Variants in MAF observed in about 807,000 individuals in gnomAD.
The protein encoded by MAF is MAF bZIP transcription factor.
Under a neutral mutation model 22.0 loss-of-function variants are expected in MAF, and 10 were observed. The observed-to-expected ratio is 0.45, with a 90% CI of 0.28 to 0.77. The LOEUF is 0.77. MAF is among the 30% of genes least tolerant of loss of function. The pLI is 0.12. For missense variants in MAF, 544 were observed against 548.4 expected (o/e 0.99, Z 0.08); for synonymous variants, 337 against 255.8 (o/e 1.32, Z -3.03).
At chr16:79,562,645 C>T in the MAF span, among the ~76,000 whole-genome samples, 1 of 152,186 alleles carries the variant, frequency 6.6e-6, no homozygotes, top group Non-Finnish European at 1.5e-5. Context: ...AGACCTCGGA[C>T]TCCAGGCTGA....
At chr16:79,555,982 G>A in the MAF span, among the ~76,000 whole-genome samples, 2,800 of 151,938 alleles carry the variant, frequency 0.018, 39 homozygotes, top group African/African-American at 0.046. Context: ...TGATGATTTC[G>A]TTTAGTTTAG....
chr16:79,438,047 G>A, the MAF span, among the ~76,000 whole-genome samples: 3 of 152,152 alleles, frequency 2.0e-5, no homozygotes, highest in African/African-American at 7.2e-5. Flanking sequence ...CCATCCCTTG[G>A]AGAGCCTGTC....
the MAF span, among the ~76,000 whole-genome samples, chr16:79,407,309 C>A: frequency 3.9e-5 from 6 of 152,128 alleles, no homozygotes; most frequent in Middle Eastern, 3.2e-3. Flanking sequence ...AGCACGCAGG[C>A]CCTACGAAAT....
the MAF span, among the ~76,000 whole-genome samples, chr16:79,412,325 A>G: frequency 6.6e-6 from 1 of 152,318 alleles, no homozygotes. Context: ...TGCAGGTGGC[A>G]GATAAGCCAC....
chr16:79,210,131 G>A, the MAF span, among the ~76,000 whole-genome samples: 191 of 152,162 alleles, frequency 1.3e-3, 4 homozygotes, highest in Middle Eastern at 3.4e-3. Flanking sequence ...TCTCACTCAC[G>A]GTCCACACCC....
the MAF span, among the ~76,000 whole-genome samples, chr16:79,418,366 C>G: frequency 1.3e-5 from 2 of 152,152 alleles, no homozygotes; most frequent in Non-Finnish European, 2.9e-5. Context: ...TTCAGCCACA[C>G]AAAGCCTGAA....
rs115518916 is a variant in MAF at position 79,595,718 on chromosome 16, A to G, written c.1119-1165T>C. 2.5e-3 allele frequency: 2,636 copies of G among 1,057,644 alleles called. 47 individuals are homozygous for G. In the African/African-American group the frequency reaches 0.04, roughly 16 times the overall value. 65.5% of individuals were successfully genotyped at this position (1,057,644 alleles called of 1,614,324 possible). On this transcript the variant is annotated intron_variant, in intron 1 of 1. Coordinates refer to ENST00000326043, the MANE Select transcript of MAF (RefSeq NM_005360.5). ...AATCAAAGCACAGCCTATATTCCACACAGGTATTATTTTTTGCTTTTATTT... is the reference window on the plus strand; with the variant it reads ...AATCAAAGCACAGCCTATATTCCACGCAGGTATTATTTTTTGCTTTTATTT...
downstream of MAF, among the ~76,000 whole-genome samples, chr16:79,590,124 G>C (rs994686156): frequency 6.6e-6 from 1 of 152,192 alleles, no homozygotes; most frequent in Non-Finnish European, 1.5e-5. Context: ...GGCTCGGGCA[G>C]TGATGTCCAG....
chr16:79,309,900 G>C, the MAF span, among the ~76,000 whole-genome samples: 1 of 152,176 alleles, frequency 6.6e-6, no homozygotes, highest in South Asian at 2.1e-4. Context: ...CTCAGTGGCT[G>C]CTTTAACTCC....
At chr16:79,399,629 G>C in the MAF span, among the ~76,000 whole-genome samples, 8 of 152,128 alleles carry the variant, frequency 5.3e-5, no homozygotes, top group Non-Finnish European at 1.0e-4. Context: ...GTGTTTTTGA[G>C]GGATAGAAGA....
the MAF span, among the ~76,000 whole-genome samples, chr16:79,347,251 G>A: frequency 6.6e-6 from 1 of 152,240 alleles, no homozygotes; most frequent in Non-Finnish European, 1.5e-5. Context: ...TGGGCGTGCA[G>A]ATGTGAGAGT....
At chr16:79,296,561 A>T in the MAF span, among the ~76,000 whole-genome samples, 16 of 152,306 alleles carry the variant, frequency 1.1e-4, no homozygotes, top group African/African-American at 3.8e-4. Flanking sequence ...AATCAGTTTC[A>T]TAAATAGGCA....
At chr16:79,261,065 G>C in the MAF span, among the ~76,000 whole-genome samples, 1 of 152,158 alleles carries the variant, frequency 6.6e-6, no homozygotes, top group Admixed American at 6.5e-5. Context: ...GCGAGAAGCA[G>C]TGGGGTGAAA....
chr16:79,412,847 G>A, the MAF span, among the ~76,000 whole-genome samples: 1 of 152,186 alleles, frequency 6.6e-6, no homozygotes, highest in Non-Finnish European at 1.5e-5. Flanking sequence ...GAGATAATAT[G>A]GGAGGAGGTG....
chr16:79,300,005 G>A, the MAF span, among the ~76,000 whole-genome samples: 1 of 152,276 alleles, frequency 6.6e-6, no homozygotes, highest in East Asian at 1.9e-4. Flanking sequence ...GATTGTGCAG[G>A]CTAGGGAGCC....
the MAF span, among the ~76,000 whole-genome samples, chr16:79,364,735 A>C: frequency 3.3e-5 from 5 of 152,220 alleles, no homozygotes; most frequent in African/African-American, 1.2e-4. Context: ...ATTACCTACA[A>C]GGAGAATCTT....
At chr16:79,577,842 T>C in the MAF span, among the ~76,000 whole-genome samples, 1 of 152,214 alleles carries the variant, frequency 6.6e-6, no homozygotes, top group South Asian at 2.1e-4. Flanking sequence ...ATCTTGACTG[T>C]GGATCTCCAT....
intron 1 of MAF, among the ~76,000 whole-genome samples, chr16:79,586,865 G>A (rs1490480226): frequency 6.6e-6 from 1 of 152,214 alleles, no homozygotes; most frequent in Non-Finnish European, 1.5e-5. Context: ...GAAAATCTGT[G>A]TACAATAACG....
chr16:79,317,525 C>CTCTTCCTTCCTTCCTTGCTT, the MAF span, among the ~76,000 whole-genome samples: 124 of 148,036 alleles, frequency 8.4e-4, no homozygotes, highest in African/African-American at 2.9e-3. Context: ...CTCCCTCCCT[C>CTCTTCCTTCCTTCCTTGCTT]TCTTCCTTCC....
Sources: allele counts gnomAD v4.1 joint callset (sites outside exome capture counted in the v4.1 genomes callset), GRCh38; gene constraint gnomAD v4.1.1; transcripts MANE v1.5; gene names NCBI Gene and HGNC (gene_info 2026-07-23, HGNC 2026-07-21).